SEMA6A: variants seen among roughly 807,000 people sequenced by gnomAD.
The protein encoded by SEMA6A is semaphorin 6A.
In SEMA6A, 25 loss-of-function variants were observed where a neutral mutation model predicts 96.8. That is an observed-to-expected ratio of 0.26 (90% CI 0.19 to 0.36). The LOEUF (loss-of-function observed/expected upper bound fraction) is 0.36. SEMA6A is among the 10% of genes least tolerant of loss of function. The pLI is 1.00. For missense variants in SEMA6A, 1,363 were observed against 1,323.1 expected (o/e 1.03, Z -0.47); for synonymous variants, 612 against 518.0 (o/e 1.18, Z -2.46).
At chr5:116,497,967 A>C (rs1198848755) in intron 3 of SEMA6A, among the ~76,000 whole-genome samples, 1 of 152,218 alleles carries the variant, frequency 6.6e-6, no homozygotes, top group African/African-American at 2.4e-5. Flanking sequence ...TCTAAAATGT[A>C]CTTAAGCTAA....
chr5:116,536,420 G>C (rs1461767526), intron 1 of SEMA6A: 1 of 152,128 alleles, frequency 6.6e-6, no homozygotes, highest in Non-Finnish European at 1.5e-5. Context: ...GTCCTGGGGA[G>C]CCCGAGTCAT....
intron 1 of SEMA6A, chr5:116,562,775 G>C: frequency 2.7e-6 from 2 of 733,136 alleles, no homozygotes; most frequent in South Asian, 2.7e-5. Flanking sequence ...TTTGCCATAT[G>C]CTGCTATGTT....
chr5:116,457,132 A>T (rs1190495100), intron 18 of SEMA6A, among the ~76,000 whole-genome samples: 2 of 152,166 alleles, frequency 1.3e-5, no homozygotes, highest in East Asian at 3.8e-4. Context: ...TACATGAGAC[A>T]TTTTAAGTTA....
intron 18 of SEMA6A, among the ~76,000 whole-genome samples, chr5:116,450,220 G>T (rs6861511): frequency 0.31 from 47,200 of 152,064 alleles, 8,138 homozygotes; most frequent in African/African-American, 0.48. Context: ...AGTGGGAGTT[G>T]AACACAGGCT....
chr5:116,542,741 T>C (rs1271762493), intron 1 of SEMA6A, among the ~76,000 whole-genome samples: 1 of 152,218 alleles, frequency 6.6e-6, no homozygotes, highest in African/African-American at 2.4e-5. Flanking sequence ...CAAGCTAGTT[T>C]CTGCATCACA....
At chr5:116,528,206 G>T (rs1032943518) in intron 1 of SEMA6A, among the ~76,000 whole-genome samples, 1 of 152,032 alleles carries the variant, frequency 6.6e-6, no homozygotes, top group Non-Finnish European at 1.5e-5. Flanking sequence ...TATAGTACCC[G>T]ATTTGCTTCT....
chr5:116,486,082 T>C (rs963492178), intron 10 of SEMA6A, among the ~76,000 whole-genome samples: 1 of 152,204 alleles, frequency 6.6e-6, no homozygotes, highest in Non-Finnish European at 1.5e-5. Context: ...TTATAAATTC[T>C]CACTAGAGCC....
At chr5:116,485,184 G>A (rs905739798) in intron 10 of SEMA6A, among the ~76,000 whole-genome samples, 55 of 152,250 alleles carry the variant, frequency 3.6e-4, no homozygotes, top group African/African-American at 1.3e-3. Flanking sequence ...TTTCTTAGGG[G>A]CCGTTTAAGA....
At chr5:116,516,491 T>G (rs762073015) in intron 1 of SEMA6A, among the ~76,000 whole-genome samples, 39 of 150,376 alleles carry the variant, frequency 2.6e-4, no homozygotes, top group Non-Finnish European at 3.7e-4. Context: ...ATATTTCAGG[T>G]TTTTTTTTCT....
intron 1 of SEMA6A, among the ~76,000 whole-genome samples, chr5:116,535,682 G>T (rs1759675343): frequency 6.6e-6 from 1 of 152,150 alleles, no homozygotes; most frequent in Non-Finnish European, 1.5e-5. Flanking sequence ...GTTGAAAGAG[G>T]CAGCACTTTC....
intron 3 of SEMA6A, among the ~76,000 whole-genome samples, chr5:116,501,045 G>T (rs1025146216): frequency 1.3e-5 from 2 of 152,156 alleles, no homozygotes; most frequent in African/African-American, 4.8e-5. Flanking sequence ...CTTCTCCCCA[G>T]TGTGAAATGA....
intron 5 of SEMA6A, chr5:116,495,958 T>G (rs1561496725): frequency 1.1e-5 from 4 of 367,348 alleles, no homozygotes. Flanking sequence ...ACTGCGGAGG[T>G]GGGCATCGGC....
intron 18 of SEMA6A, among the ~76,000 whole-genome samples, chr5:116,457,494 C>G (rs1166785832): frequency 6.6e-6 from 1 of 151,998 alleles, no homozygotes; most frequent in African/African-American, 2.4e-5. Flanking sequence ...GGAATGCATC[C>G]TTTTAAAAAA....
chr5:116,518,046 A>T (rs908128064), intron 1 of SEMA6A, among the ~76,000 whole-genome samples: 1 of 152,188 alleles, frequency 6.6e-6, no homozygotes, highest in Non-Finnish European at 1.5e-5. Context: ...ACCTGCCTTT[A>T]ATTTTCAAAT....
intron 18 of SEMA6A, 112 bp from the exon 19 acceptor site, chr5:116,447,923 C>T: frequency 2.4e-6 from 2 of 847,084 alleles, no homozygotes; most frequent in South Asian, 1.8e-5. Context: ...AACAGCACCT[C>T]TGCACAACTT....
chr5:116,502,463 A>G (rs1420432379), intron 2 of SEMA6A, 136 bp from the exon 3 acceptor site: 9 of 661,460 alleles, frequency 1.4e-5, no homozygotes, highest in East Asian at 1.1e-4. Flanking sequence ...CCATTTCCAT[A>G]TGAGTCTGTT....
At chr5:116,518,900 C>T (rs1553530) in intron 1 of SEMA6A, among the ~76,000 whole-genome samples, 1 of 152,018 alleles carries the variant, frequency 6.6e-6, no homozygotes, top group South Asian at 2.1e-4. Flanking sequence ...AGATTCCCCA[C>T]GTTCACTTTG....
At chr5:116,475,307 A>AT (rs2112677123) in intron 16 of SEMA6A, among the ~76,000 whole-genome samples, 1 of 152,248 alleles carries the variant, frequency 6.6e-6, no homozygotes, top group Non-Finnish European at 1.5e-5. Flanking sequence ...TCTAGGGTGA[A>AT]TTTTTTCCCC....
Position 116,482,389 on chromosome 5 carries a change from TG to T in SEMA6A, c.1094+54del, listed in dbSNP as rs1487084444. 1.9e-6 allele frequency: 3 copies of T among 1,567,324 alleles called. No individual in the cohort carries two copies. The African/African-American group carries it at 4.0e-5, about 21-fold the overall frequency. On this transcript the variant is annotated intron_variant, in intron 11 of 18. Transcript: ENST00000343348. ...TTCATAGGATGTTCATTATCAGAGGTGCAAGCTTTGCCATTTCTAAAGTTTA... is the reference window on the plus strand; with the variant it reads ...TTCATAGGATGTTCATTATCAGAGGTCAAGCTTTGCCATTTCTAAAGTTTA...
Sources: gnomAD v4.1 joint callset for allele counts (sites outside exome capture counted in the v4.1 genomes callset) on GRCh38, gnomAD v4.1.1 for gene constraint, MANE v1.5 for transcripts, NCBI Gene and HGNC (gene_info 2026-07-23, HGNC 2026-07-21) for gene names.